LARGE1: variants seen among roughly 807,000 people sequenced by gnomAD.
LARGE1 encodes the protein LARGE xylosyl- and glucuronyltransferase 1.
A neutral mutation model predicts 87.6 loss-of-function variants in LARGE1; 43 were observed. The ratio of observed to expected loss-of-function variants is 0.49; its 90% CI spans 0.38 to 0.63. LARGE1 has a LOEUF of 0.63. Ranked by LOEUF, LARGE1 falls within the 30% of genes least tolerant of loss-of-function variation. The pLI is 0.00. For missense variants in LARGE1, 802 were observed against 1,000.2 expected (o/e 0.80, Z 2.67); for synonymous variants, 434 against 394.6 (o/e 1.10, Z -1.18).
intron 9 of LARGE1, among the ~76,000 whole-genome samples, chr22:33,353,105 A>T (rs894713646): frequency 8.5e-5 from 13 of 152,278 alleles, no homozygotes; most frequent in African/African-American, 3.1e-4. Context: ...ATGAATTTAC[A>T]ACCACTATCA....
chr22:33,875,848 C>A (rs775739126), intron 1 of LARGE1, among the ~76,000 whole-genome samples: 4 of 152,148 alleles, frequency 2.6e-5, no homozygotes, highest in Admixed American at 2.6e-4. Context: ...ATGGGCTCTG[C>A]TAGCCAGGTC....
At chr22:33,871,646 C>T (rs2064285560) in intron 1 of LARGE1, among the ~76,000 whole-genome samples, 1 of 152,092 alleles carries the variant, frequency 6.6e-6, no homozygotes, top group Non-Finnish European at 1.5e-5. Flanking sequence ...TACTACCAAC[C>T]TCCTTCCCCT....
At chr22:33,448,145 T>C (rs73407363) in intron 6 of LARGE1, among the ~76,000 whole-genome samples, 6,307 of 152,024 alleles carry the variant, frequency 0.041, 426 homozygotes, top group African/African-American at 0.14. Flanking sequence ...TTTCCTGGGG[T>C]GATAAAGACA....
At chr22:33,623,377 G>A (rs564112532) in intron 4 of LARGE1, among the ~76,000 whole-genome samples, 2 of 152,090 alleles carry the variant, frequency 1.3e-5, no homozygotes, top group Non-Finnish European at 2.9e-5. Flanking sequence ...AGCCCCATTT[G>A]GCCATTCTTT....
At chr22:33,178,269 C>A (rs556218908) in intron 11 of LARGE1, among the ~76,000 whole-genome samples, 2 of 152,330 alleles carry the variant, frequency 1.3e-5, no homozygotes, top group African/African-American at 2.4e-5. Flanking sequence ...TGAGTGATAT[C>A]TTCCCAGGCC....
At chr22:33,453,188 G>A (rs903181111) in intron 6 of LARGE1, among the ~76,000 whole-genome samples, 10 of 152,128 alleles carry the variant, frequency 6.6e-5, no homozygotes, top group Admixed American at 1.3e-4. Context: ...AGGCCGAGGC[G>A]GGTGGATTAT....
chr22:33,787,521 A>G (rs1047017845), intron 1 of LARGE1, among the ~76,000 whole-genome samples: 1 of 152,158 alleles, frequency 6.6e-6, no homozygotes, highest in East Asian at 1.9e-4. Context: ...CCTCCAAACT[A>G]TCTTCCTTCC....
chr22:33,818,768 T>G (rs1363283912), intron 1 of LARGE1, among the ~76,000 whole-genome samples: 1 of 152,130 alleles, frequency 6.6e-6, no homozygotes, highest in East Asian at 1.9e-4. Flanking sequence ...TGTTAAACAC[T>G]TTAGACACCC....
At chr22:33,349,091 TA>T (rs1940106559) in intron 9 of LARGE1, among the ~76,000 whole-genome samples, 1 of 152,172 alleles carries the variant, frequency 6.6e-6, no homozygotes, top group South Asian at 2.1e-4. Context: ...TTTTTCTTTA[TA>T]AATCACCCAG....
chr22:33,086,731 T>G, the LARGE1 span, among the ~76,000 whole-genome samples: 1 of 151,882 alleles, frequency 6.6e-6, no homozygotes, highest in Non-Finnish European at 1.5e-5. Context: ...TTTTGCATTT[T>G]TAGTAGAGAC....
chr22:33,321,562 C>CT (rs1274461007), intron 10 of LARGE1, among the ~76,000 whole-genome samples: 2 of 152,078 alleles, frequency 1.3e-5, no homozygotes, highest in Non-Finnish European at 2.9e-5. Flanking sequence ...GCAGGGTTGG[C>CT]TTTTTTTTCC....
intron 7 of LARGE1, among the ~76,000 whole-genome samples, chr22:33,386,122 A>G (rs2065315478): frequency 6.7e-6 from 1 of 149,012 alleles, no homozygotes; most frequent in Non-Finnish European, 1.5e-5. Context: ...GATCTGCTGC[A>G]TAGGTCCTTT....
chr22:33,875,694 G>C (rs1334523485), intron 1 of LARGE1, among the ~76,000 whole-genome samples: 2 of 152,196 alleles, frequency 1.3e-5, no homozygotes, highest in African/African-American at 4.8e-5. Flanking sequence ...ACTTTGGTGG[G>C]AGGAAGCCGC....
rs113542616 is a variant in LARGE1 at position 33,397,832 on chromosome 22, C to T, written c.893-13528G>A. 6.2e-3 allele frequency among the ~76,000 whole-genome samples: 948 copies of T among 152,228 alleles called. 14 individuals carry two copies. Among genetic ancestry groups the T allele is most frequent in the African/African-American group, 0.021 (881 of 41,526 alleles). ...TCTCAATTTTTGCATTTTAGGCATT[C>T]GGTTAGGTCTACACTTTGTATAGTG... On this transcript the variant is annotated intron_variant, in intron 7 of 14. Transcript: ENST00000397394.
intron 2 of LARGE1, among the ~76,000 whole-genome samples, chr22:33,757,530 AC>A (rs1217105004): frequency 6.6e-6 from 1 of 151,876 alleles, no homozygotes; most frequent in African/African-American, 2.4e-5. Context: ...GAGACAGCTG[AC>A]CCCCTCCAGG....
rs550737981 is a variant in LARGE1, at chr22:33,453,254, A to G, written c.788-20989T>C. 2.0e-5 allele frequency among the ~76,000 whole-genome samples: 3 copies of G among 152,196 alleles called. No individual in the cohort carries two copies. The South Asian group carries it at 6.2e-4, about 32-fold the overall frequency. On this transcript the variant is annotated intron_variant, in intron 6 of 14. Transcript: ENST00000397394. ...ATATGGTGAAACCCCATCTCTACTA[A>G]AAATACAAAAATTAGCTGGGCATGG... is the stretch of plus-strand genomic sequence containing the variant.
the LARGE1 span, among the ~76,000 whole-genome samples, chr22:33,078,579 C>G: frequency 6.6e-6 from 1 of 152,178 alleles, no homozygotes; most frequent in Non-Finnish European, 1.5e-5. Flanking sequence ...GGATTTGAAG[C>G]CAGGCAGTCT....
the LARGE1 span, among the ~76,000 whole-genome samples, chr22:33,155,718 A>G: frequency 3.9e-5 from 6 of 152,338 alleles, no homozygotes; most frequent in African/African-American, 1.4e-4. Flanking sequence ...TGCATAAGTA[A>G]TGAGAAGCCA....
chr22:33,239,595 G>C (rs1926416995), intron 11 of LARGE1, among the ~76,000 whole-genome samples: 1 of 131,942 alleles, frequency 7.6e-6, no homozygotes, highest in Non-Finnish European at 1.5e-5. Flanking sequence ...CTGGAGTGCA[G>C]TGGCGCGATC....
Sources: allele counts gnomAD v4.1 joint callset (sites outside exome capture counted in the v4.1 genomes callset), GRCh38; gene constraint gnomAD v4.1.1; transcripts MANE v1.5; gene names NCBI Gene and HGNC (gene_info 2026-07-23, HGNC 2026-07-21).